STK33: variants seen among roughly 807,000 people sequenced by gnomAD.
STK33 encodes serine/threonine kinase 33, also known as serine/threonine-protein kinase 33.
Under a neutral mutation model 58.0 loss-of-function variants are expected in STK33, and 52 were observed. The ratio of observed to expected loss-of-function variants is 0.90; its 90% CI spans 0.72 to 1.13. The LOEUF is 1.13. Ranked by LOEUF, STK33 falls within the 50% of genes most tolerant of loss-of-function variation. The probability of loss-of-function intolerance (pLI) is 0.00; values close to 1 mark genes in which losing one functional copy is unlikely to be tolerated. For missense variants in STK33, 630 were observed against 604.2 expected (o/e 1.04, Z -0.45); for synonymous variants, 215 against 200.1 (o/e 1.07, Z -0.63).
chr11:8,499,648 A>G (rs1417911435), intron 1 of STK33, among the ~76,000 whole-genome samples: 2 of 152,232 alleles, frequency 1.3e-5, no homozygotes, highest in East Asian at 3.8e-4. Context: ...ACTATTCACA[A>G]TAGCAAAGAC....
At chr11:8,463,774 C>T (rs1029316771) in intron 7 of STK33, among the ~76,000 whole-genome samples, 19 of 152,024 alleles carry the variant, frequency 1.2e-4, no homozygotes, top group African/African-American at 4.3e-4. Flanking sequence ...ATTATTAATT[C>T]CTAAAGTTGC....
At chr11:8,503,789 T>C (rs556945031) in intron 1 of STK33, among the ~76,000 whole-genome samples, 1 of 152,268 alleles carries the variant, frequency 6.6e-6, no homozygotes, top group East Asian at 1.9e-4. Flanking sequence ...AGCCTCTTAT[T>C]ATGATGATTT....
chr11:8,521,031 T>C (rs927790273), intron 1 of STK33, among the ~76,000 whole-genome samples: 2 of 149,608 alleles, frequency 1.3e-5, no homozygotes, highest in African/African-American at 4.9e-5. Flanking sequence ...ATTATATTTA[T>C]TTATAAATAA....
At chr11:8,439,437 T>G (rs1451752662) in intron 12 of STK33, among the ~76,000 whole-genome samples, 1 of 152,150 alleles carries the variant, frequency 6.6e-6, no homozygotes, top group African/African-American at 2.4e-5. Flanking sequence ...TATTTTTTCT[T>G]TCAACATTAC....
At chr11:8,409,643 C>T (rs1234284294) in intron 15 of STK33, among the ~76,000 whole-genome samples, 1 of 152,196 alleles carries the variant, frequency 6.6e-6, no homozygotes, top group South Asian at 2.1e-4. Context: ...CACATTATCA[C>T]TTCTGAAAAT....
chr11:8,549,673 T>A (rs967904082), intron 1 of STK33, among the ~76,000 whole-genome samples: 6 of 152,208 alleles, frequency 3.9e-5, no homozygotes, highest in Non-Finnish European at 7.3e-5. Flanking sequence ...ACTATTAGTC[T>A]GTTCAGGTTT....
intron 12 of STK33, among the ~76,000 whole-genome samples, chr11:8,436,377 C>T (rs1243827787): frequency 2.0e-5 from 3 of 152,126 alleles, no homozygotes; most frequent in Admixed American, 2.0e-4. Context: ...CAAGTATACA[C>T]TGAAACCTCC....
downstream of STK33, among the ~76,000 whole-genome samples, chr11:8,389,665 G>T (rs561784470): frequency 3.9e-5 from 6 of 152,210 alleles, no homozygotes; most frequent in Non-Finnish European, 8.8e-5. Flanking sequence ...TCATTTTCAA[G>T]ACTGGTTGCT....
At chr11:8,522,060 CAG>C (rs1953500570) in intron 1 of STK33, among the ~76,000 whole-genome samples, 1 of 152,194 alleles carries the variant, frequency 6.6e-6, no homozygotes, top group Non-Finnish European at 1.5e-5. Context: ...ATGTGGAAGA[CAG>C]TGTGGCAATT....
intron 1 of STK33, among the ~76,000 whole-genome samples, chr11:8,534,148 G>A (rs1192832539): frequency 1.3e-5 from 2 of 151,994 alleles, no homozygotes; most frequent in African/African-American, 4.8e-5. Context: ...GGTGGCAGGC[G>A]CCTGTAATCC....
At chr11:8,431,448 T>C (rs578163311) in intron 14 of STK33, among the ~76,000 whole-genome samples, 1 of 152,250 alleles carries the variant, frequency 6.6e-6, no homozygotes, top group East Asian at 1.9e-4. Context: ...GCCCTGTTCA[T>C]ACATTAGGAA....
chr11:8,367,959 G>A, the STK33 span, among the ~76,000 whole-genome samples: 1 of 152,142 alleles, frequency 6.6e-6, no homozygotes, highest in Non-Finnish European at 1.5e-5. Flanking sequence ...TTGGGCCAGA[G>A]CTCTGGCTCA....
the STK33 span, among the ~76,000 whole-genome samples, chr11:8,344,253 A>G: frequency 2.9e-5 from 4 of 137,800 alleles, no homozygotes; most frequent in South Asian, 4.7e-4. Context: ...GGCATGGTGC[A>G]CACCTGTAGT....
chr11:8,466,692 T>C (rs1447300237), intron 6 of STK33: 1 of 152,230 alleles, frequency 6.6e-6, no homozygotes, highest in Non-Finnish European at 1.5e-5. Flanking sequence ...TTCTCACAGT[T>C]CCACTAGGCA....
the STK33 span, among the ~76,000 whole-genome samples, chr11:8,337,812 C>T: frequency 6.6e-6 from 1 of 152,104 alleles, no homozygotes; most frequent in Non-Finnish European, 1.5e-5. Context: ...TCGCATTTGT[C>T]TTCCCACACA....
chr11:8,550,964 A>G (rs1956259699), intron 1 of STK33, among the ~76,000 whole-genome samples: 1 of 152,174 alleles, frequency 6.6e-6, no homozygotes, highest in Admixed American at 6.5e-5. Context: ...ACTGCTGGTA[A>G]AGACATACCC....
At chr11:8,547,387 T>C (rs919463884) in intron 1 of STK33, among the ~76,000 whole-genome samples, 9 of 152,112 alleles carry the variant, frequency 5.9e-5, no homozygotes, top group African/African-American at 2.2e-4. Context: ...GCTAATTTTG[T>C]ATTTTTCCTA....
intron 14 of STK33, among the ~76,000 whole-genome samples, chr11:8,421,448 T>A (rs1261523460): frequency 2.0e-5 from 3 of 152,226 alleles, no homozygotes; most frequent in Admixed American, 6.5e-5. Context: ...AAGTTCCAGA[T>A]ACACCTGGAT....
At chr11:8,365,297 C>T in the STK33 span, among the ~76,000 whole-genome samples, 1 of 152,188 alleles carries the variant, frequency 6.6e-6, no homozygotes, top group African/African-American at 2.4e-5. Flanking sequence ...AATTCCTCCA[C>T]TCTCACCCTC....
Sources: gnomAD v4.1 joint callset for allele counts (sites outside exome capture counted in the v4.1 genomes callset) on GRCh38, gnomAD v4.1.1 for gene constraint, MANE v1.5 for transcripts, NCBI Gene and HGNC (gene_info 2026-07-23, HGNC 2026-07-21) for gene names.